The following UGT2B4 variants were observed in gnomAD, a reference collection of about 807,000 sequenced individuals.
UGT2B4 encodes UDP-glucuronosyltransferase 2B4.
A neutral mutation model predicts 49.8 loss-of-function variants in UGT2B4; 49 were observed. The observed-to-expected ratio is 0.98, with a 90% CI of 0.78 to 1.25. UGT2B4 has a LOEUF of 1.25. UGT2B4 is among the 50% of genes most tolerant of loss of function. The probability of loss-of-function intolerance (pLI) is 0.00; values close to 1 mark genes in which losing one functional copy is unlikely to be tolerated. For synonymous variants in UGT2B4, 246 were observed against 217.7 expected, an observed-to-expected ratio of 1.13 and a Z score of -1.14; for missense variants, 729 against 627.7, an observed-to-expected ratio of 1.16 and a Z score of -1.73.
chr4:69,500,652 A>AGAAAGAAAGAAG (rs1728291713), upstream of UGT2B4, among the ~76,000 whole-genome samples: 5 of 139,368 alleles, frequency 3.6e-5, no homozygotes, highest in African/African-American at 1.2e-4. Flanking sequence ...AAAGAAAGAA[A>AGAAAGAAAGAAG]GAAAGAAAGA....
exon 1 of UGT2B4, chr4:69,525,809 A>G: frequency 9.2e-7 from 1 of 1,088,458 alleles, no homozygotes; most frequent in Non-Finnish European, 1.2e-6. Flanking sequence ...TATATTAAAG[A>G]AAGGGCTCCA....
chr4:69,511,466 T>C (rs946735988), intron 1 of UGT2B4, among the ~76,000 whole-genome samples: 27 of 152,228 alleles, frequency 1.8e-4, no homozygotes, highest in African/African-American at 5.8e-4. Flanking sequence ...CTGATTTTTG[T>C]ATGTTCAACA....
chr4:69,504,597 T>C (rs1487900685), intron 1 of UGT2B4, among the ~76,000 whole-genome samples: 2 of 151,770 alleles, frequency 1.3e-5, no homozygotes, highest in African/African-American at 4.8e-5. Context: ...AAATATGAGA[T>C]TTTGTAAAGA....
upstream of UGT2B4, among the ~76,000 whole-genome samples, chr4:69,497,650 T>C (rs952167118): frequency 6.6e-6 from 1 of 152,218 alleles, no homozygotes; most frequent in Non-Finnish European, 1.5e-5. Context: ...AGGAGTTACT[T>C]CTTATGGAAG....
At chr4:69,517,755 C>G (rs1244015785) in intron 1 of UGT2B4, 1 of 166,362 alleles carries the variant, frequency 6.0e-6, no homozygotes, top group African/African-American at 2.4e-5. Context: ...AGATGGACAG[C>G]ATTGTATTTT....
chr4:69,509,275 A>G (rs2082338), intron 1 of UGT2B4, among the ~76,000 whole-genome samples: 143,286 of 151,110 alleles, frequency 0.95, 68,410 homozygotes, highest in East Asian at 1. Context: ...AGGCTGAAGC[A>G]ATTCTCCTGC....
intron 1 of UGT2B4, among the ~76,000 whole-genome samples, chr4:69,502,137 C>T (rs930533387): frequency 8.3e-6 from 1 of 121,122 alleles, no homozygotes; most frequent in Admixed American, 8.9e-5. Flanking sequence ...TTCTTTCTTT[C>T]TTTCTTTCTT....
chr4:69,515,113 T>C (rs1394168029), intron 1 of UGT2B4, among the ~76,000 whole-genome samples: 4 of 152,118 alleles, frequency 2.6e-5, no homozygotes, highest in African/African-American at 9.7e-5. Flanking sequence ...AGAAGATCAT[T>C]GAGACAGAAA....
intron 2 of UGT2B4, among the ~76,000 whole-genome samples, chr4:69,490,894 C>A (rs1164577145): frequency 1.3e-5 from 2 of 152,074 alleles, no homozygotes; most frequent in Non-Finnish European, 2.9e-5. Flanking sequence ...CTTCATCCAC[C>A]CAGTGTTAAA....
upstream of UGT2B4, among the ~76,000 whole-genome samples, chr4:69,497,272 C>T (rs41299952): frequency 7.2e-4 from 109 of 152,290 alleles, 1 homozygote; most frequent in African/African-American, 2.4e-3. Flanking sequence ...CAGTTTCCAA[C>T]TCCTACTGAT....
upstream of UGT2B4, chr4:69,495,959 C>T (rs1158683848): frequency 2.0e-6 from 3 of 1,496,540 alleles, no homozygotes; most frequent in African/African-American, 4.2e-5. Context: ...TAAAATGTAA[C>T]TTTTACACTT....
Position 69,495,878 on chromosome 4 carries a change from G to T in UGT2B4, c.-17C>A. On this transcript the variant is annotated 5_prime_UTR_variant, in exon 1 of 6. Transcript: ENST00000305107. ...CATAGACATCCTGATGCAATGCAATGCTTGTTTTCCAGTTGCTGCTCCTTT... is the reference window on the plus strand; with the variant it reads ...CATAGACATCCTGATGCAATGCAATTCTTGTTTTCCAGTTGCTGCTCCTTT... 2 of 1,557,950 alleles carry T rather than the reference G, an allele frequency of 1.3e-6. No individual in the cohort carries two copies. The highest frequency in any genetic ancestry group is 2.0e-5 in the Admixed American group (1 of 49,142).
intron 1 of UGT2B4, among the ~76,000 whole-genome samples, chr4:69,507,523 A>G (rs2109825238): frequency 6.6e-6 from 1 of 152,258 alleles, no homozygotes; most frequent in East Asian, 1.9e-4. Flanking sequence ...AAGATCTCCA[A>G]AATAACCAAC....
At chr4:69,491,085 CAT>C (rs1727971614) in intron 2 of UGT2B4, among the ~76,000 whole-genome samples, 1 of 152,044 alleles carries the variant, frequency 6.6e-6, no homozygotes, top group African/African-American at 2.4e-5. Flanking sequence ...TTGTAAACTA[CAT>C]ATGTTTTCAT....
chr4:69,497,141 C>G (rs1034842698), upstream of UGT2B4, among the ~76,000 whole-genome samples: 4 of 152,100 alleles, frequency 2.6e-5, no homozygotes, highest in African/African-American at 9.7e-5. Flanking sequence ...GTGGTTTTCT[C>G]TTTGAGGTAT....
At chr4:69,484,770 T>C (rs774372215) in intron 5 of UGT2B4, among the ~76,000 whole-genome samples, 5 of 152,152 alleles carry the variant, frequency 3.3e-5, no homozygotes, top group African/African-American at 4.8e-5. Context: ...GTCGGTTTTA[T>C]GCTATGGAAA....
chr4:69,492,637 TTAAG>T (rs1451507922), intron 2 of UGT2B4, among the ~76,000 whole-genome samples: 1 of 152,126 alleles, frequency 6.6e-6, no homozygotes, highest in Non-Finnish European at 1.5e-5. Context: ...CTTACACATG[TTAAG>T]TAATTCATAG....
chr4:69,505,939 G>A (rs1821189), intron 1 of UGT2B4, among the ~76,000 whole-genome samples: 31,051 of 151,220 alleles, frequency 0.21, 3,305 homozygotes, highest in Middle Eastern at 0.26. Context: ...TACATTGAAC[G>A]ACTTTTGGGC....
chr4:69,500,147 A>T (rs1377660199), upstream of UGT2B4, among the ~76,000 whole-genome samples: 2 of 152,210 alleles, frequency 1.3e-5, no homozygotes, highest in African/African-American at 4.8e-5. Context: ...ACACAGAATC[A>T]GACAACCAAA....
Sources: allele counts gnomAD v4.1 joint callset (sites outside exome capture counted in the v4.1 genomes callset), GRCh38; gene constraint gnomAD v4.1.1; transcripts MANE v1.5; gene names NCBI Gene and HGNC (gene_info 2026-07-23, HGNC 2026-07-21).